RNLS: variants seen among roughly 807,000 people sequenced by gnomAD.
RNLS encodes renalase, FAD dependent amine oxidase.
Under a neutral mutation model 39.8 loss-of-function variants are expected in RNLS, and 39 were observed. The observed-to-expected ratio is 0.98, with a 90% CI of 0.76 to 1.28. The LOEUF (loss-of-function observed/expected upper bound fraction) is 1.28, where lower values mean the gene tolerates loss of function less well. Ranked by LOEUF, RNLS falls within the 50% of genes most tolerant of loss-of-function variation. RNLS has a pLI of 0.00. For synonymous variants in RNLS, 147 were observed against 150.7 expected (o/e 0.98, Z 0.18); for missense variants, 410 against 413.3 (o/e 0.99, Z 0.07).
chr10:88,362,668 G>A lies in RNLS; in HGVS notation c.584C>T (p.Ala195Val), dbSNP rs1168919773. 6.2e-7 allele frequency: 1 copy of A among 1,613,920 alleles called. No homozygotes were observed. Among genetic ancestry groups the A allele is most frequent in the Admixed American group, 1.7e-5 (1 of 59,932 alleles). ...LEAVSYSSRYALGLFYEAGTK... is the reference protein window; with the variant it reads ...LEAVSYSSRYVLGLFYEAGTK... ...ACCAGCTTCATAAAAGAGGCCCAGA[G>A]CATATCGAGAGGAGTAGCTCACAGC... is the stretch of plus-strand genomic sequence containing the variant. Residue 195 changes from alanine to valine, a missense_variant, in exon 5 of 7, where the codon GCT becomes GTT. Coordinates refer to ENST00000331772, the MANE Select transcript of RNLS (RefSeq NM_001031709.3).
chr10:88,403,761 C>A (rs545975341), intron 4 of RNLS, among the ~76,000 whole-genome samples: 2 of 151,554 alleles, frequency 1.3e-5, no homozygotes, highest in South Asian at 4.2e-4. Context: ...ATGGGCTGTG[C>A]CTGGGGGCTT....
At chr10:88,227,104 C>T in the RNLS span, among the ~76,000 whole-genome samples, 1 of 152,100 alleles carries the variant, frequency 6.6e-6, no homozygotes, top group Non-Finnish European at 1.5e-5. Context: ...TGAGTAGTTG[C>T]AAGAGAGGTC....
At chr10:88,475,203 C>T (rs1843741274) in intron 4 of RNLS, among the ~76,000 whole-genome samples, 1 of 152,068 alleles carries the variant, frequency 6.6e-6, no homozygotes, top group African/African-American at 2.4e-5. Context: ...TAGAGTTAGC[C>T]CAATTTCATT....
At chr10:88,297,079 T>C (rs1589485236) in intron 6 of RNLS, among the ~76,000 whole-genome samples, 1 of 152,218 alleles carries the variant, frequency 6.6e-6, no homozygotes, top group Non-Finnish European at 1.5e-5. Flanking sequence ...TATTCAGCAA[T>C]TATTAATAAA....
chr10:88,503,705 T>C (rs1164476952), intron 4 of RNLS, among the ~76,000 whole-genome samples: 1 of 152,172 alleles, frequency 6.6e-6, no homozygotes, highest in Non-Finnish European at 1.5e-5. Context: ...TAAGACAATG[T>C]GGTAGTTTTC....
the RNLS span, among the ~76,000 whole-genome samples, chr10:88,188,631 A>T: frequency 6.6e-6 from 1 of 152,230 alleles, no homozygotes; most frequent in Non-Finnish European, 1.5e-5. Flanking sequence ...CCACATAATT[A>T]CTGTATAAAC....
chr10:88,275,549 C>T (rs1314951886), intron 6 of RNLS, among the ~76,000 whole-genome samples: 3 of 152,016 alleles, frequency 2.0e-5, no homozygotes, highest in Admixed American at 2.0e-4. Context: ...GTGATATATT[C>T]ATAAAATGGA....
chr10:88,437,365 A>G (rs1805661041), intron 4 of RNLS, among the ~76,000 whole-genome samples: 1 of 152,236 alleles, frequency 6.6e-6, no homozygotes, highest in Non-Finnish European at 1.5e-5. Flanking sequence ...ATTTTAAATC[A>G]ACAATATTGC....
At chr10:88,231,275 T>C in the RNLS span, among the ~76,000 whole-genome samples, 4 of 152,250 alleles carry the variant, frequency 2.6e-5, 1 homozygote, top group African/African-American at 9.6e-5. Context: ...AAGAGGAGAT[T>C]AGGATACAGA....
At chr10:88,195,861 G>C in the RNLS span, among the ~76,000 whole-genome samples, 1 of 152,166 alleles carries the variant, frequency 6.6e-6, no homozygotes, top group Non-Finnish European at 1.5e-5. Context: ...TGTAAATACA[G>C]CTCTATCCAG....
chr10:88,177,800 C>G, the RNLS span, among the ~76,000 whole-genome samples: 1 of 152,012 alleles, frequency 6.6e-6, no homozygotes. Context: ...GGCTTTGATG[C>G]TATGTGAGTG....
chr10:88,500,268 C>T (rs954168676), intron 4 of RNLS, among the ~76,000 whole-genome samples: 4 of 152,164 alleles, frequency 2.6e-5, no homozygotes, highest in South Asian at 2.1e-4. Context: ...TCATCTCCTA[C>T]ACTAATTCCA....
At chr10:88,171,788 C>G in the RNLS span, among the ~76,000 whole-genome samples, 2 of 152,096 alleles carry the variant, frequency 1.3e-5, no homozygotes, top group Non-Finnish European at 2.9e-5. Context: ...GAACTCATTT[C>G]TCTTATCTAG....
At chr10:88,448,047 T>TA (rs1842142650) in intron 4 of RNLS, among the ~76,000 whole-genome samples, 1 of 152,166 alleles carries the variant, frequency 6.6e-6, no homozygotes, top group African/African-American at 2.4e-5. Context: ...CCTAAAACCA[T>TA]AAAAACCATA....
rs182826444 is a variant in RNLS at position 88,391,552 on chromosome 10, G to A, written c.527-28827C>T. Among the ~76,000 whole-genome samples, 443 of 152,174 alleles carry A rather than the reference G, an allele frequency of 2.9e-3. 5 individuals carry two copies. The highest frequency in any genetic ancestry group is 8.9e-3 in the African/African-American group (369 of 41,530). On this transcript the variant is annotated intron_variant, in intron 4 of 6. Coordinates refer to ENST00000331772, the MANE Select transcript of RNLS (RefSeq NM_001031709.3). ...CAGCCTGGCGACAGAGCGAGACTCC[G>A]TCTAAAAAACAAAAAAATGTCTTGG...
rs558188854 is a variant in RNLS at position 88,535,499 on chromosome 10, G to C, written c.526+37404C>G. Reference sequence around the variant, plus strand: ...TAATGGATGCTGGGCTTAATACCTAGGAGATGGGATGATCTGTTCAGCAAA... The same window carrying C: ...TAATGGATGCTGGGCTTAATACCTACGAGATGGGATGATCTGTTCAGCAAA... On this transcript the variant is annotated intron_variant, in intron 4 of 6. Coordinates refer to ENST00000331772, the MANE Select transcript of RNLS (RefSeq NM_001031709.3). Among the ~76,000 whole-genome samples, 3 of 152,160 alleles carry C rather than the reference G, an allele frequency of 2.0e-5. No homozygotes were observed. The East Asian group carries it at 5.8e-4, about 29-fold the overall frequency.
chr10:88,210,711 G>GT, the RNLS span, among the ~76,000 whole-genome samples: 1 of 152,104 alleles, frequency 6.6e-6, no homozygotes, highest in Non-Finnish European at 1.5e-5. Context: ...GTTGCTACTC[G>GT]AATTCCAGTG....
chr10:88,352,623 TG>T (rs1848803077), intron 5 of RNLS, among the ~76,000 whole-genome samples: 1 of 152,256 alleles, frequency 6.6e-6, no homozygotes, highest in Admixed American at 6.5e-5. Flanking sequence ...TGAGGATTTT[TG>T]CATCGATGTT....
At position 88,521,842 on chromosome 10, in the gene RNLS, C is replaced by T. The variant is rs182310318; in HGVS notation, c.526+51061G>A. 2.0e-5 allele frequency among the ~76,000 whole-genome samples: 3 copies of T among 152,102 alleles called. No homozygotes were observed. In the East Asian group the frequency reaches 5.8e-4, roughly 29 times the overall value. ...AGGACTAAGTCAACCTGGGAATAGC[C>T]ATAGTTAGCAGAATGTCAGGGGAGA... On this transcript the variant is annotated intron_variant, in intron 4 of 6. Coordinates refer to ENST00000331772, the MANE Select transcript of RNLS (RefSeq NM_001031709.3).
Sources: gnomAD v4.1 joint callset for allele counts (sites outside exome capture counted in the v4.1 genomes callset) on GRCh38, gnomAD v4.1.1 for gene constraint, MANE v1.5 for transcripts, NCBI Gene and HGNC (gene_info 2026-07-23, HGNC 2026-07-21) for gene names.